CHCHD6: variants seen among roughly 807,000 people sequenced by gnomAD.
The protein encoded by CHCHD6 is MICOS complex subunit MIC25.
In CHCHD6, 28 loss-of-function variants were observed where a neutral mutation model predicts 32.3. That is an observed-to-expected ratio of 0.87 (90% CI 0.64 to 1.19). CHCHD6 has a LOEUF of 1.19. Among genes scored for constraint, CHCHD6 ranks in the 50% most tolerant of loss-of-function variants. The pLI is 0.00. For missense variants in CHCHD6, 333 were observed against 307.0 expected, an observed-to-expected ratio of 1.08 and a Z score of -0.63; for synonymous variants, 122 against 117.5, an observed-to-expected ratio of 1.04 and a Z score of -0.25.
chr3:126,740,338 G>A (rs897162790), intron 4 of CHCHD6, among the ~76,000 whole-genome samples: 1 of 152,140 alleles, frequency 6.6e-6, no homozygotes, highest in Non-Finnish European at 1.5e-5. Flanking sequence ...ACTTCAGCAG[G>A]CCCTGTGCAC....
intron 4 of CHCHD6, among the ~76,000 whole-genome samples, chr3:126,788,764 A>G (rs1353565803): frequency 6.6e-6 from 1 of 152,042 alleles, no homozygotes; most frequent in African/African-American, 2.4e-5. Flanking sequence ...GATCTTTTCA[A>G]ACAACCAGCT....
intron 6 of CHCHD6, among the ~76,000 whole-genome samples, chr3:126,953,524 C>T (rs2078745063): frequency 6.6e-6 from 1 of 152,220 alleles, no homozygotes; most frequent in South Asian, 2.1e-4. Context: ...CAGACCCTGG[C>T]CCCACCTCGG....
intron 4 of CHCHD6, among the ~76,000 whole-genome samples, chr3:126,841,327 A>G (rs1268974035): frequency 6.6e-6 from 1 of 152,070 alleles, no homozygotes; most frequent in Non-Finnish European, 1.5e-5. Context: ...AGTCTTTGCT[A>G]TTGTGAATAA....
chr3:126,767,046 C>T, intron 4 of CHCHD6: 1 of 940,248 alleles, frequency 1.1e-6, no homozygotes, highest in African/African-American at 1.6e-5. Flanking sequence ...AAGATGGTCA[C>T]TCAATGGGGA....
intron 5 of CHCHD6, among the ~76,000 whole-genome samples, chr3:126,887,530 G>A (rs1420654300): frequency 6.6e-6 from 1 of 152,178 alleles, no homozygotes; most frequent in Non-Finnish European, 1.5e-5. Flanking sequence ...ACTCCCCCTA[G>A]CCCTGTATTA....
intron 4 of CHCHD6, among the ~76,000 whole-genome samples, chr3:126,842,060 G>A (rs1453056519): frequency 6.6e-6 from 1 of 152,182 alleles, no homozygotes; most frequent in Admixed American, 6.5e-5. Flanking sequence ...ACCAGCCCGG[G>A]CAACAAAATG....
chr3:126,951,358 A>C (rs1378018811), intron 6 of CHCHD6, among the ~76,000 whole-genome samples: 2 of 152,234 alleles, frequency 1.3e-5, no homozygotes, highest in Non-Finnish European at 2.9e-5. Context: ...AAAAAAATGA[A>C]TACTGCACAG....
intron 4 of CHCHD6, among the ~76,000 whole-genome samples, chr3:126,847,868 C>T (rs1941344108): frequency 6.6e-6 from 1 of 152,130 alleles, no homozygotes; most frequent in South Asian, 2.1e-4. Context: ...CCCTCTCTTA[C>T]CCCCTTGTCC....
intron 4 of CHCHD6, among the ~76,000 whole-genome samples, chr3:126,837,744 T>C (rs560032129): frequency 6.6e-6 from 1 of 152,304 alleles, no homozygotes; most frequent in South Asian, 2.1e-4. Context: ...ATGACCAAGA[T>C]TATGCTTTTG....
At chr3:126,734,387 G>A (rs1450939818) in intron 4 of CHCHD6, among the ~76,000 whole-genome samples, 1 of 152,200 alleles carries the variant, frequency 6.6e-6, no homozygotes, top group Non-Finnish European at 1.5e-5. Context: ...GGGTAGCCTC[G>A]TACACACGGT....
At chr3:126,897,664 G>A (rs1311624701) in intron 5 of CHCHD6, among the ~76,000 whole-genome samples, 2 of 152,176 alleles carry the variant, frequency 1.3e-5, no homozygotes, top group African/African-American at 2.4e-5. Flanking sequence ...AAAAGGAGAC[G>A]ATGTTCCCAG....
intron 5 of CHCHD6, among the ~76,000 whole-genome samples, chr3:126,875,385 C>T (rs2077527048): frequency 6.6e-6 from 1 of 152,202 alleles, no homozygotes. Flanking sequence ...TCAGTGGACA[C>T]CTGGGACTGT....
At chr3:126,875,692 C>T (rs1423773143) in intron 5 of CHCHD6, among the ~76,000 whole-genome samples, 1 of 152,192 alleles carries the variant, frequency 6.6e-6, no homozygotes, top group Non-Finnish European at 1.5e-5. Context: ...ATCCTACAGT[C>T]CCAGGGTTTA....
chr3:126,928,582 A>G (rs1415730798), intron 6 of CHCHD6, among the ~76,000 whole-genome samples: 1 of 152,188 alleles, frequency 6.6e-6, no homozygotes, highest in Non-Finnish European at 1.5e-5. Context: ...TAGCTTGCCT[A>G]TAACTGTTGG....
At chr3:126,760,596 T>C (rs375861128) in intron 4 of CHCHD6, among the ~76,000 whole-genome samples, 18 of 152,356 alleles carry the variant, frequency 1.2e-4, no homozygotes, top group East Asian at 1.2e-3. Flanking sequence ...ATAACAGTAT[T>C]TGTCCTTTTG....
intron 4 of CHCHD6, among the ~76,000 whole-genome samples, chr3:126,737,980 G>A (rs1386653575): frequency 6.6e-6 from 1 of 152,136 alleles, no homozygotes; most frequent in African/African-American, 2.4e-5. Context: ...TACTTCAGTG[G>A]CAAATCAAGA....
At chr3:126,882,710 C>T (rs766183451) in intron 5 of CHCHD6, among the ~76,000 whole-genome samples, 34 of 152,208 alleles carry the variant, frequency 2.2e-4, no homozygotes, top group Non-Finnish European at 1.5e-5. Flanking sequence ...GCAATTATCA[C>T]ACATGCAAGA....
At chr3:126,827,058 A>G (rs1221394649) in intron 4 of CHCHD6, among the ~76,000 whole-genome samples, 1 of 152,204 alleles carries the variant, frequency 6.6e-6, no homozygotes, top group Non-Finnish European at 1.5e-5. Context: ...ATGGTGTGCC[A>G]GGAGGTGAGA....
chr3:126,917,513 G>A (rs730257), intron 6 of CHCHD6, among the ~76,000 whole-genome samples: 87,158 of 152,052 alleles, frequency 0.57, 26,292 homozygotes, highest in Non-Finnish European at 0.67. Context: ...ACAGGCCTCC[G>A]TTTCCTCACC....
Sources: allele counts gnomAD v4.1 joint callset (sites outside exome capture counted in the v4.1 genomes callset), GRCh38; gene constraint gnomAD v4.1.1; transcripts MANE v1.5; gene names NCBI Gene and HGNC (gene_info 2026-07-23, HGNC 2026-07-21).